Variants in ATAD1 observed in about 807,000 individuals in gnomAD.
ATAD1 encodes outer mitochondrial transmembrane helix translocase.
A neutral mutation model predicts 42.7 loss-of-function variants in ATAD1; 18 were observed. The ratio of observed to expected loss-of-function variants is 0.42; its 90% CI spans 0.29 to 0.63. The LOEUF (loss-of-function observed/expected upper bound fraction) is 0.63. ATAD1 is among the 20% of genes least tolerant of loss of function. ATAD1 has a pLI of 0.19. For missense variants in ATAD1, 294 were observed against 440.4 expected (o/e 0.67, Z 2.98); for synonymous variants, 132 against 143.1 (o/e 0.92, Z 0.55).
At chr10:87,814,633 T>C in intron 1 of ATAD1, 21 bp from the exon 2 acceptor site, 1 of 1,559,664 alleles carries the variant, frequency 6.4e-7, no homozygotes, top group East Asian at 2.3e-5. Context: ...CAAACAGAAA[T>C]GTCACTAGGT....
upstream of ATAD1, among the ~76,000 whole-genome samples, chr10:87,820,507 A>G (rs780672111): frequency 6.6e-6 from 1 of 152,300 alleles, no homozygotes; most frequent in South Asian, 2.1e-4. Context: ...TCACTCTACT[A>G]GAGACATCCT....
In ATAD1 at chr10:87,751,979, G is replaced by A. The variant is rs1044931715; in HGVS notation, c.*2708C>T. 2 of 152,000 alleles carry A rather than the reference G, an allele frequency of 1.3e-5. No homozygotes were observed. The highest frequency in any genetic ancestry group is 6.6e-5 in the Admixed American group (1 of 15,242). 9.4% of individuals were successfully genotyped at this position (152,000 alleles called of 1,614,324 possible). A position where few individuals can be genotyped will look rare whatever the true frequency, so the allele number is the denominator to read the frequency against. ...ACCATTTTTACACAAGCACACTCAC[G>A]GCTTGAGACATCCTCATCTAGCATT... On this transcript the variant is annotated 3_prime_UTR_variant, in exon 10 of 10. Coordinates refer to ENST00000680024, the MANE Select transcript of ATAD1 (RefSeq NM_001321967.2).
chr10:87,820,168 TC>T (rs1212684605), upstream of ATAD1, among the ~76,000 whole-genome samples: 1 of 152,038 alleles, frequency 6.6e-6, no homozygotes, highest in African/African-American at 2.4e-5. Context: ...CTCCACTGGG[TC>T]CTTGGATGAT....
At chr10:87,772,579 T>TG (rs570805240) in intron 6 of ATAD1, among the ~76,000 whole-genome samples, 496 of 151,924 alleles carry the variant, frequency 3.3e-3, no homozygotes, top group African/African-American at 0.011. Context: ...AGTCAATATT[T>TG]GGGGGGGAAA....
At chr10:87,756,215 AG>A (rs1854216486) in intron 9 of ATAD1, among the ~76,000 whole-genome samples, 1 of 152,222 alleles carries the variant, frequency 6.6e-6, no homozygotes, top group Admixed American at 6.5e-5. Flanking sequence ...CAAGAATCAC[AG>A]AAATTGTTAG....
At chr10:87,792,569 C>T (rs960926948) in intron 3 of ATAD1, 88 bp downstream of exon 3, 74 of 923,582 alleles carry the variant, frequency 8.0e-5, no homozygotes, top group South Asian at 1.5e-4. Context: ...TCAAAGAACC[C>T]GGCCGTGATC....
At chr10:87,778,342 C>T (rs955209743) in intron 5 of ATAD1, among the ~76,000 whole-genome samples, 3 of 151,818 alleles carry the variant, frequency 2.0e-5, no homozygotes, top group African/African-American at 4.8e-5. Flanking sequence ...TATAAGGACT[C>T]GGAATGATCA....
At chr10:87,794,422 A>G (rs1304767027) in intron 2 of ATAD1, among the ~76,000 whole-genome samples, 1 of 152,174 alleles carries the variant, frequency 6.6e-6, no homozygotes, top group Admixed American at 6.5e-5. Flanking sequence ...TCTGAATAAC[A>G]TTTACTCTTC....
At chr10:87,768,083 A>C (rs1369711097) in intron 7 of ATAD1, among the ~76,000 whole-genome samples, 2 of 152,164 alleles carry the variant, frequency 1.3e-5, no homozygotes, top group African/African-American at 4.8e-5. Flanking sequence ...AACTCACCAT[A>C]AAATTTATTA....
chr10:87,757,218 C>G (rs909328352), intron 8 of ATAD1, among the ~76,000 whole-genome samples: 3 of 146,986 alleles, frequency 2.0e-5, no homozygotes, highest in East Asian at 2.0e-4. Context: ...TGACATTTTT[C>G]TGTAATACAT....
At chr10:87,781,460 A>C in intron 5 of ATAD1, among the ~76,000 whole-genome samples, 1 of 152,214 alleles carries the variant, frequency 6.6e-6, no homozygotes, top group East Asian at 1.9e-4. Context: ...AATTATTTTT[A>C]AGTTGTACCA....
intron 5 of ATAD1, among the ~76,000 whole-genome samples, chr10:87,777,116 TATGTAAGAAAA>T: frequency 6.6e-6 from 1 of 152,124 alleles, no homozygotes; most frequent in Admixed American, 6.6e-5. Context: ...CATGACAACA[TATGTAAGAAAA>T]ATGAAGGATC....
chr10:87,820,610 G>A (rs963510608), upstream of ATAD1, among the ~76,000 whole-genome samples: 2 of 152,120 alleles, frequency 1.3e-5, no homozygotes, highest in African/African-American at 4.8e-5. Flanking sequence ...GCACAGGAAG[G>A]GAAACTGTTG....
chr10:87,755,825 C>T (rs1386167463), intron 9 of ATAD1, among the ~76,000 whole-genome samples: 1 of 151,950 alleles, frequency 6.6e-6, no homozygotes, highest in African/African-American at 2.4e-5. Context: ...ATCGCTTGAA[C>T]CTGGGGAGAG....
chr10:87,773,923 T>C (rs945700801), intron 6 of ATAD1, among the ~76,000 whole-genome samples: 15 of 152,240 alleles, frequency 9.9e-5, no homozygotes, highest in African/African-American at 3.6e-4. Context: ...ATGAGTCCCA[T>C]TGATAAACCG....
At chr10:87,824,971 A>T (rs1165160995) in intron 1 of ATAD1, among the ~76,000 whole-genome samples, 4 of 152,246 alleles carry the variant, frequency 2.6e-5, no homozygotes, top group Non-Finnish European at 4.4e-5. Context: ...AAAATTATGG[A>T]TATTTCTCAG....
chr10:87,774,488 T>C (rs1855196607), intron 6 of ATAD1, among the ~76,000 whole-genome samples: 1 of 152,104 alleles, frequency 6.6e-6, no homozygotes, highest in Non-Finnish European at 1.5e-5. Context: ...CTGGTAGATG[T>C]GAAAAACAAT....
At chr10:87,821,053 A>G (rs1330318863), upstream of ATAD1, among the ~76,000 whole-genome samples, 1 of 152,188 alleles carries the variant, frequency 6.6e-6, no homozygotes, top group Non-Finnish European at 1.5e-5. Context: ...ACTTTATTCT[A>G]GAAAGTTTTT....
chr10:87,759,879 A>C (rs531162366), intron 8 of ATAD1: 26 of 346,320 alleles, frequency 7.5e-5, no homozygotes, highest in South Asian at 5.5e-4. Flanking sequence ...CATAGCAAGC[A>C]CTCTAAAAGT....
Sources: gnomAD v4.1 joint callset for allele counts (sites outside exome capture counted in the v4.1 genomes callset) on GRCh38, gnomAD v4.1.1 for gene constraint, MANE v1.5 for transcripts, NCBI Gene and HGNC (gene_info 2026-07-23, HGNC 2026-07-21) for gene names.